NXPE2: variants seen among roughly 807,000 people sequenced by gnomAD.
NXPE2 encodes the protein neurexophilin and PC-esterase domain family member 2, also known as NXPE family member 2.
A neutral mutation model predicts 34.4 loss-of-function variants in NXPE2; 34 were observed. The observed-to-expected ratio is 0.99, with a 90% CI of 0.75 to 1.31. The LOEUF (loss-of-function observed/expected upper bound fraction) is 1.31, where lower values mean the gene tolerates loss of function less well. Among genes scored for constraint, NXPE2 ranks in the 40% most tolerant of loss-of-function variants. The pLI, the probability that NXPE2 is intolerant of heterozygous loss-of-function variation, is 0.00. For synonymous variants in NXPE2, 235 were observed against 231.3 expected, an observed-to-expected ratio of 1.02 and a Z score of -0.15; for missense variants, 649 against 672.5, an observed-to-expected ratio of 0.97 and a Z score of 0.39.
At chr11:114,761,130 A>ATG in the NXPE2 span, among the ~76,000 whole-genome samples, 1 of 152,208 alleles carries the variant, frequency 6.6e-6, no homozygotes, top group African/African-American at 2.4e-5. Context: ...ATTTCTGCAA[A>ATG]TGTGCTTTAT....
chr11:114,625,965 G>A, the NXPE2 span, among the ~76,000 whole-genome samples: 2 of 151,712 alleles, frequency 1.3e-5, no homozygotes, highest in African/African-American at 4.9e-5. Flanking sequence ...GCACTTTTCC[G>A]ATGGGCTTAA....
At chr11:114,638,934 A>G in the NXPE2 span, among the ~76,000 whole-genome samples, 1 of 150,740 alleles carries the variant, frequency 6.6e-6, no homozygotes, top group Non-Finnish European at 1.5e-5. Flanking sequence ...CCACTTGAGG[A>G]GGCAGTCTGC....
the NXPE2 span, among the ~76,000 whole-genome samples, chr11:114,503,413 C>T: frequency 0.035 from 5,390 of 151,854 alleles, 287 homozygotes; most frequent in African/African-American, 0.12. Flanking sequence ...AAATAAAATG[C>T]GTATTAGTAA....
the NXPE2 span, among the ~76,000 whole-genome samples, chr11:114,614,984 C>T: frequency 2.7e-5 from 4 of 150,480 alleles, no homozygotes; most frequent in South Asian, 6.3e-4. Context: ...TCGTGAGTAA[C>T]CACTGTTACC....
intron 2 of NXPE2, among the ~76,000 whole-genome samples, chr11:114,683,368 T>C (rs1396118482): frequency 6.6e-6 from 1 of 152,154 alleles, no homozygotes; most frequent in African/African-American, 2.4e-5. Context: ...TCATTTATTA[T>C]GTTCATTGAT....
At chr11:114,508,387 A>G in the NXPE2 span, among the ~76,000 whole-genome samples, 1 of 152,250 alleles carries the variant, frequency 6.6e-6, no homozygotes, top group South Asian at 2.1e-4. Flanking sequence ...GAACTAGAAA[A>G]AACTATTTTA....
chr11:114,782,816 T>A, the NXPE2 span, among the ~76,000 whole-genome samples: 1 of 152,312 alleles, frequency 6.6e-6, no homozygotes, highest in East Asian at 1.9e-4. Context: ...TTAGCACTGA[T>A]GAAAGCCAGA....
At chr11:114,753,893 G>T in the NXPE2 span, among the ~76,000 whole-genome samples, 1 of 152,226 alleles carries the variant, frequency 6.6e-6, no homozygotes, top group East Asian at 1.9e-4. Context: ...AAATCATTTT[G>T]GAATATCATA....
chr11:114,481,015 T>C, the NXPE2 span, among the ~76,000 whole-genome samples: 1 of 152,116 alleles, frequency 6.6e-6, no homozygotes, highest in Non-Finnish European at 1.5e-5. Context: ...AGAGTTATGA[T>C]TGGATTTGTC....
chr11:114,601,417 T>A, the NXPE2 span, among the ~76,000 whole-genome samples: 2 of 136,832 alleles, frequency 1.5e-5, no homozygotes, highest in East Asian at 4.0e-4. Context: ...GCAAAAGATG[T>A]AATTTTGTTC....
chr11:114,575,824 A>G, the NXPE2 span, among the ~76,000 whole-genome samples: 4 of 152,138 alleles, frequency 2.6e-5, no homozygotes, highest in African/African-American at 4.8e-5. Flanking sequence ...TACCACCATC[A>G]TTCTTCACAG....
At chr11:114,586,042 G>A in the NXPE2 span, among the ~76,000 whole-genome samples, 2 of 152,238 alleles carry the variant, frequency 1.3e-5, no homozygotes, top group Admixed American at 6.5e-5. Context: ...ATGGCACACC[G>A]AGTCCTAACC....
At chr11:114,606,135 T>G in the NXPE2 span, among the ~76,000 whole-genome samples, 1 of 150,718 alleles carries the variant, frequency 6.6e-6, no homozygotes, top group African/African-American at 2.5e-5. Context: ...GTATTGTCTC[T>G]AGGGTAACCA....
chr11:114,579,372 C>A, the NXPE2 span, among the ~76,000 whole-genome samples: 1 of 152,278 alleles, frequency 6.6e-6, no homozygotes, highest in African/African-American at 2.4e-5. Flanking sequence ...TTGGAGGGGA[C>A]AATCAGTCAA....
chr11:114,659,656 G>A, the NXPE2 span, among the ~76,000 whole-genome samples: 1 of 152,032 alleles, frequency 6.6e-6, no homozygotes, highest in South Asian at 2.1e-4. Flanking sequence ...ATCAAAATAT[G>A]GGGATGCAGG....
the NXPE2 span, among the ~76,000 whole-genome samples, chr11:114,643,871 G>A: frequency 6.6e-6 from 1 of 152,040 alleles, no homozygotes; most frequent in Non-Finnish European, 1.5e-5. Context: ...CCACTTTCAT[G>A]ATATTAATTC....
the NXPE2 span, chr11:114,530,561 C>G: frequency 6.2e-7 from 1 of 1,613,956 alleles, no homozygotes; most frequent in Non-Finnish European, 8.5e-7. Flanking sequence ...AAGCACCTGC[C>G]GTCAGTGCTG....
the NXPE2 span, chr11:114,570,933 G>T: frequency 6.5e-7 from 1 of 1,549,400 alleles, no homozygotes. Context: ...AGACTTTTGT[G>T]TTATTTAACA....
the NXPE2 span, among the ~76,000 whole-genome samples, chr11:114,745,425 C>T: frequency 6.6e-6 from 1 of 152,186 alleles, no homozygotes; most frequent in Non-Finnish European, 1.5e-5. Flanking sequence ...AGAGTGAGAA[C>T]TTATTCACTG....
Sources: allele counts gnomAD v4.1 joint callset (sites outside exome capture counted in the v4.1 genomes callset), GRCh38; gene constraint gnomAD v4.1.1; transcripts MANE v1.5; gene names NCBI Gene and HGNC (gene_info 2026-07-23, HGNC 2026-07-21).